LAMA3: variants seen among roughly 807,000 people sequenced by gnomAD.
The protein encoded by LAMA3 is laminin subunit alpha-3.
In LAMA3, 281 loss-of-function variants were observed where a neutral mutation model predicts 402.0. The observed-to-expected ratio is 0.70, with a 90% CI of 0.63 to 0.77. LAMA3 has a LOEUF of 0.77. Among genes scored for constraint, LAMA3 ranks in the 30% least tolerant of loss-of-function variants. LAMA3 has a pLI of 0.00. For synonymous variants in LAMA3, 1,431 were observed against 1,558.4 expected, an observed-to-expected ratio of 0.92 and a Z score of 1.93; for missense variants, 3,840 against 4,215.5, an observed-to-expected ratio of 0.91 and a Z score of 2.47.
At chr18:23,926,779 C>G (rs1174177903) in intron 62 of LAMA3, among the ~76,000 whole-genome samples, 1 of 152,172 alleles carries the variant, frequency 6.6e-6, no homozygotes, top group Admixed American at 6.5e-5. Flanking sequence ...GAAGTCAAAT[C>G]GAAGGGGAAA....
intron 52 of LAMA3, among the ~76,000 whole-genome samples, chr18:23,907,037 G>T (rs1444745558): frequency 6.6e-6 from 1 of 152,166 alleles, no homozygotes; most frequent in Non-Finnish European, 1.5e-5. Context: ...TGCCTACTTT[G>T]TGTCTGTATT....
In LAMA3 at chr18:23,953,054, G is replaced by A. The variant is rs1461089698; in HGVS notation, c.9801G>A (p.Gln3267=). ...CAGACAGTAGCTACACAGCTGGACA[G>A]ATCCCCTTCCCACCTGCCAGCACTC... ...LDTDSSYTAG[Q]IPFPPASTQE... Residue 3267 remains glutamine (Q), a synonymous_variant, in exon 74 of 75, where the codon CAG becomes CAA. Coordinates refer to ENST00000313654, the MANE Select transcript of LAMA3 (RefSeq NM_198129.4). 6.2e-7 allele frequency: 1 copy of A among 1,614,160 alleles called. No individual in the cohort carries two copies. The highest frequency in any genetic ancestry group is 8.5e-7 in the Non-Finnish European group (1 of 1,180,018).
intron 1 of LAMA3, 48 bp downstream of exon 1, chr18:23,690,025 C>T (rs772821969): frequency 2.3e-6 from 3 of 1,329,102 alleles, no homozygotes; most frequent in Non-Finnish European, 3.0e-6. Context: ...TTCCTTCCCG[C>T]GCCGGCCAGA....
chr18:23,948,574 CT>C (rs1197740181), intron 70 of LAMA3, among the ~76,000 whole-genome samples: 315 of 144,804 alleles, frequency 2.2e-3, no homozygotes, highest in Middle Eastern at 3.6e-3. Context: ...CTCTTTCTTT[CT>C]TTTTTTTTTT....
At chr18:23,776,698 C>T (rs1016888371) in intron 10 of LAMA3, among the ~76,000 whole-genome samples, 7 of 152,120 alleles carry the variant, frequency 4.6e-5, no homozygotes, top group African/African-American at 1.7e-4. Context: ...TATATGTTCT[C>T]ATTCACACCT....
chr18:23,805,035 A>G (rs2062935254), intron 12 of LAMA3, among the ~76,000 whole-genome samples: 1 of 152,228 alleles, frequency 6.6e-6, no homozygotes, highest in Non-Finnish European at 1.5e-5. Context: ...CTTTATAGCA[A>G]CATAAAAATA....
chr18:23,692,068 G>A (rs887511846), intron 1 of LAMA3, among the ~76,000 whole-genome samples: 2 of 152,168 alleles, frequency 1.3e-5, no homozygotes, highest in Non-Finnish European at 2.9e-5. Context: ...TGAAGTAAGC[G>A]AGGGGCCCTT....
chr18:23,904,241 A>C (rs1440577610), intron 50 of LAMA3, among the ~76,000 whole-genome samples, 154 bp downstream of exon 50: 1 of 152,154 alleles, frequency 6.6e-6, no homozygotes, highest in African/African-American at 2.4e-5. Flanking sequence ...GGCCCAAGTC[A>C]GAAGCAGAGC....
intron 18 of LAMA3, among the ~76,000 whole-genome samples, chr18:23,818,216 A>C (rs1295187627): frequency 6.6e-6 from 1 of 152,204 alleles, no homozygotes; most frequent in African/African-American, 2.4e-5. Context: ...TGTTGATAAA[A>C]TGAGCTTCTC....
chr18:23,893,656 C>T (rs1450675127), intron 42 of LAMA3, among the ~76,000 whole-genome samples: 1 of 152,104 alleles, frequency 6.6e-6, no homozygotes, highest in African/African-American at 2.4e-5. Context: ...GGCCCACTGA[C>T]ATTGTATGCC....
chr18:23,881,571 T>C (rs975517793), intron 39 of LAMA3, among the ~76,000 whole-genome samples: 6 of 152,186 alleles, frequency 3.9e-5, no homozygotes, highest in Non-Finnish European at 7.3e-5. Flanking sequence ...TTGAGAAAAT[T>C]ATAATTGTAT....
At position 23,954,769 on chromosome 18, in the gene LAMA3, A is replaced by T; in HGVS notation, c.*121A>T. The T allele has an allele frequency of 9.2e-7, 1 of 1,084,798 alleles. No homozygotes were observed. Among genetic ancestry groups the T allele is most frequent in the Non-Finnish European group, 1.4e-6 (1 of 710,442 alleles). 67.2% of individuals were successfully genotyped at this position (1,084,798 alleles called of 1,614,324 possible). On this transcript the variant is annotated 3_prime_UTR_variant, in exon 75 of 75. Transcript: ENST00000313654. ...CACAAACCAGACAGGTTTAATAGCG[A>T]ATCTAATTTTGAATTCTGACCATGG...
chr18:23,903,509 CT>C lies in LAMA3; in HGVS notation c.6318+392del, dbSNP rs535018320. Among the ~76,000 whole-genome samples the C allele has an allele frequency of 7.2e-3, 1,097 of 152,092 alleles. 10 individuals carry two copies. Among genetic ancestry groups the C allele is most frequent in the Non-Finnish European group, 0.01 (709 of 67,968 alleles). On this transcript the variant is annotated intron_variant, in intron 49 of 74. Transcript: ENST00000313654. ...AAAGTGTCTTTTATAATAACTATTTCTTTTTTTTATTATACTTTAAGTTTTA... is the reference window on the plus strand; with the variant it reads ...AAAGTGTCTTTTATAATAACTATTTCTTTTTTTATTATACTTTAAGTTTTA...
At chr18:23,854,437 C>T (rs986969142) in intron 32 of LAMA3, among the ~76,000 whole-genome samples, 1 of 151,894 alleles carries the variant, frequency 6.6e-6, no homozygotes, top group Non-Finnish European at 1.5e-5. Context: ...GTCAGGAGAT[C>T]GAGACCATCC....
rs773595769 is a variant in LAMA3, at chr18:23,833,856, C to A, written c.2852C>A (p.Pro951Gln). The A allele has an allele frequency of 6.2e-7, 1 of 1,613,724 alleles. No homozygotes were observed. Among genetic ancestry groups the A allele is most frequent in the East Asian group, 2.2e-5 (1 of 44,892 alleles). Residue 951 changes from proline (P) to glutamine (Q), a missense_variant, in exon 24 of 75, where the codon CCA (proline) becomes CAA (glutamine). This residue lies in a region of LAMA3 where 2,109 missense variants were observed against 2,376.0 expected (regional missense o/e 0.89). Coordinates refer to ENST00000313654, the MANE Select transcript of LAMA3 (RefSeq NM_198129.4). ...EVELHLRLRI[P>Q]QVGHYVVVVE... ...GAATTGCATCTGCGGCTGCGCATCC[C>A]ACAGGTTGGCCACTACGTGGTTGTG... is the stretch of plus-strand genomic sequence containing the variant.
intron 38 of LAMA3, chr18:23,873,014 C>T (rs373399357): frequency 6.2e-7 from 1 of 1,613,876 alleles, no homozygotes; most frequent in African/African-American, 1.3e-5. Context: ...GCAGAGGTTC[C>T]TGCGCAGCCA....
intron 1 of LAMA3, among the ~76,000 whole-genome samples, chr18:23,690,758 GC>G (rs111379338): frequency 2.8e-5 from 4 of 143,592 alleles, no homozygotes; most frequent in Admixed American, 7.4e-5. Context: ...CTACAGGCGT[GC>G]CCCCCCGTGC....
intron 48 of LAMA3, among the ~76,000 whole-genome samples, chr18:23,902,604 A>T (rs1157291288): frequency 6.6e-6 from 1 of 152,206 alleles, no homozygotes; most frequent in Non-Finnish European, 1.5e-5. Context: ...CCAGCCTGGC[A>T]TTCTCAGGTT....
chr18:23,760,532 T>C (rs2061946944), intron 7 of LAMA3, among the ~76,000 whole-genome samples: 1 of 152,188 alleles, frequency 6.6e-6, no homozygotes, highest in African/African-American at 2.4e-5. Flanking sequence ...ATAATGAATA[T>C]ATAGTCTGCC....
Sources: gnomAD v4.1 joint callset for allele counts (sites outside exome capture counted in the v4.1 genomes callset) on GRCh38, gnomAD v4.1.1 for gene constraint, gnomAD v4.1.1 regional missense constraint, MANE v1.5 for transcripts, NCBI Gene and HGNC (gene_info 2026-07-23, HGNC 2026-07-21) for gene names.